The following SMAD9 variants were observed in gnomAD, a reference collection of about 807,000 sequenced individuals.
SMAD9 encodes MAD homolog 9.
A neutral mutation model predicts 46.1 loss-of-function variants in SMAD9; 36 were observed. That is an observed-to-expected ratio of 0.78 (90% confidence interval 0.60 to 1.03). SMAD9 has a LOEUF of 1.03. Ranked by LOEUF, SMAD9 falls within the 50% of genes least tolerant of loss-of-function variation. The pLI, the probability that SMAD9 is intolerant of heterozygous loss-of-function variation, is 0.00. For synonymous variants in SMAD9, 245 were observed against 237.1 expected (o/e 1.03, Z -0.31); for missense variants, 572 against 599.8 (o/e 0.95, Z 0.48).
intron 1 of SMAD9, among the ~76,000 whole-genome samples, chr13:36,909,339 G>A (rs969794217): frequency 8.5e-5 from 13 of 152,242 alleles, no homozygotes; most frequent in African/African-American, 3.1e-4. Context: ...ATTTTTCCAT[G>A]TAATAGTCTG....
intron 3 of SMAD9, among the ~76,000 whole-genome samples, chr13:36,869,670 T>C (rs537472118): frequency 6.6e-6 from 1 of 152,114 alleles, no homozygotes; most frequent in Admixed American, 6.5e-5. Context: ...CTCTACTAAA[T>C]ACAAAAAAAT....
intron 1 of SMAD9, among the ~76,000 whole-genome samples, chr13:36,890,594 A>G (rs1015892965): frequency 6.6e-6 from 1 of 152,206 alleles, no homozygotes; most frequent in Non-Finnish European, 1.5e-5. Context: ...TTTGGAAGAG[A>G]TATTTCTCTT....
chr13:36,860,895 A>G (rs2058175021), intron 5 of SMAD9, among the ~76,000 whole-genome samples: 1 of 152,126 alleles, frequency 6.6e-6, no homozygotes, highest in Non-Finnish European at 1.5e-5. Context: ...CCCACACTGG[A>G]ATGAGATGTT....
chr13:36,885,144 C>T (rs750413841), intron 1 of SMAD9, among the ~76,000 whole-genome samples: 3 of 152,166 alleles, frequency 2.0e-5, no homozygotes, highest in Admixed American at 1.3e-4. Flanking sequence ...ATTTAATCCC[C>T]TCCAAGAAAC....
chr13:36,862,716 G>T lies in SMAD9; in HGVS notation c.1003+2821C>A, dbSNP rs572046402. On this transcript the variant is annotated intron_variant, in intron 5 of 6. Coordinates refer to ENST00000379826, the MANE Select transcript of SMAD9 (RefSeq NM_001127217.3). Reference sequence around the variant, plus strand: ...TAAACTTGCTTTCAGTTTACTCTATGGACTCACCCCAAATTCTTTCTTGTG... The same window carrying T: ...TAAACTTGCTTTCAGTTTACTCTATTGACTCACCCCAAATTCTTTCTTGTG... Among the ~76,000 whole-genome samples the T allele has an allele frequency of 1.2e-4, 19 of 152,222 alleles. No individual in the cohort carries two copies. The South Asian group carries it at 3.7e-3, about 30-fold the overall frequency.
chr13:36,855,661 G>A (rs933038447), intron 5 of SMAD9, among the ~76,000 whole-genome samples: 5 of 152,166 alleles, frequency 3.3e-5, no homozygotes, highest in African/African-American at 1.2e-4. Flanking sequence ...TCTGAATCTA[G>A]GAAACGTTAC....
intron 5 of SMAD9, among the ~76,000 whole-genome samples, chr13:36,862,561 C>T (rs753740588): frequency 6.6e-6 from 1 of 152,148 alleles, no homozygotes; most frequent in Non-Finnish European, 1.5e-5. Context: ...TCCCAGAAAA[C>T]TCATGAAAAA....
chr13:36,906,527 T>C (rs1364746582), intron 1 of SMAD9, among the ~76,000 whole-genome samples: 1 of 152,070 alleles, frequency 6.6e-6, no homozygotes, highest in Non-Finnish European at 1.5e-5. Flanking sequence ...AGAATATATT[T>C]AAAAATTCTT....
intron 5 of SMAD9, 73 bp from the exon 6 acceptor site, chr13:36,853,748 C>T: frequency 6.6e-7 from 1 of 1,520,940 alleles, no homozygotes; most frequent in Non-Finnish European, 9.1e-7. Flanking sequence ...TTCCTGAAAC[C>T]CTAGGAGATG....
intron 1 of SMAD9, among the ~76,000 whole-genome samples, chr13:36,892,696 A>G (rs7994669): frequency 6.6e-6 from 1 of 152,204 alleles, no homozygotes; most frequent in Non-Finnish European, 1.5e-5. Flanking sequence ...ATAACTTATC[A>G]GTGATGCTTA....
chr13:36,910,175 G>C (rs1001479484), intron 1 of SMAD9, among the ~76,000 whole-genome samples: 2 of 151,334 alleles, frequency 1.3e-5, no homozygotes, highest in Non-Finnish European at 2.9e-5. Flanking sequence ...CCGGCGTGGG[G>C]GACACAGCGA....
At chr13:36,895,678 A>G (rs1012258153) in intron 1 of SMAD9, among the ~76,000 whole-genome samples, 4 of 152,222 alleles carry the variant, frequency 2.6e-5, no homozygotes, top group Non-Finnish European at 5.9e-5. Flanking sequence ...GTGAATTTCA[A>G]TATTTGGAGA....
At chr13:36,879,940 GATAGAA>G in intron 1 of SMAD9, 65 bp from the exon 2 acceptor site, 1 of 463,424 alleles carries the variant, frequency 2.2e-6, no homozygotes, top group Non-Finnish European at 3.9e-6. Flanking sequence ...GTTGAAGTTG[GATAGAA>G]AGAGGCAATC....
At chr13:36,890,559 C>T (rs2058481492) in intron 1 of SMAD9, among the ~76,000 whole-genome samples, 1 of 152,082 alleles carries the variant, frequency 6.6e-6, no homozygotes, top group Admixed American at 6.6e-5. Context: ...TCAGACAATA[C>T]CCAGGTGGAA....
At chr13:36,858,546 T>TACA (rs939739120) in intron 5 of SMAD9, among the ~76,000 whole-genome samples, 1 of 152,156 alleles carries the variant, frequency 6.6e-6, no homozygotes, top group African/African-American at 2.4e-5. Flanking sequence ...CCAACTGTAC[T>TACA]ACACGGCATG....
intron 1 of SMAD9, among the ~76,000 whole-genome samples, chr13:36,919,606 G>A (rs1330405244): frequency 1.4e-5 from 2 of 147,012 alleles, no homozygotes; most frequent in African/African-American, 5.1e-5. Flanking sequence ...TCTGTCCGCT[G>A]TCCCCTATCT....
At chr13:36,918,198 T>C (rs183601043) in intron 1 of SMAD9, among the ~76,000 whole-genome samples, 50 of 152,338 alleles carry the variant, frequency 3.3e-4, no homozygotes, top group African/African-American at 1.2e-3. Context: ...ATAGTTCATG[T>C]TGACTTTGAA....
intron 5 of SMAD9, among the ~76,000 whole-genome samples, chr13:36,855,508 A>T (rs755394507): frequency 1.2e-4 from 18 of 152,170 alleles, no homozygotes; most frequent in Non-Finnish European, 2.6e-4. Flanking sequence ...AGTCAATGTG[A>T]TTATACATAT....
intron 1 of SMAD9, among the ~76,000 whole-genome samples, chr13:36,884,643 C>G (rs138382874): frequency 5.3e-5 from 8 of 152,176 alleles, no homozygotes; most frequent in African/African-American, 1.9e-4. Context: ...GGTAACAGTA[C>G]AGGAGACATA....
Sources: gnomAD v4.1 joint callset for allele counts (sites outside exome capture counted in the v4.1 genomes callset) on GRCh38, gnomAD v4.1.1 for gene constraint, MANE v1.5 for transcripts, NCBI Gene and HGNC (gene_info 2026-07-23, HGNC 2026-07-21) for gene names.